The following CCSER1 variants were observed in gnomAD, a reference collection of about 807,000 sequenced individuals.
CCSER1 encodes coiled-coil serine rich protein 1, also known as serine-rich coiled-coil domain-containing protein 1.
A neutral mutation model predicts 82.0 loss-of-function variants in CCSER1; 41 were observed. The ratio of observed to expected loss-of-function variants is 0.50; its 90% CI spans 0.39 to 0.65. CCSER1 has a LOEUF of 0.65. Ranked by LOEUF, CCSER1 falls within the 30% of genes least tolerant of loss-of-function variation. CCSER1 has a pLI of 0.00. For synonymous variants in CCSER1, 414 were observed against 383.9 expected, an observed-to-expected ratio of 1.08 and a Z score of -0.92; for missense variants, 1,119 against 1,064.2, an observed-to-expected ratio of 1.05 and a Z score of -0.72.
At chr4:90,214,118 G>A (rs1002200646) in intron 1 of CCSER1, among the ~76,000 whole-genome samples, 1 of 152,146 alleles carries the variant, frequency 6.6e-6, no homozygotes, top group African/African-American at 2.4e-5. Flanking sequence ...TCTGGAATGA[G>A]GCGATTAATT....
At chr4:91,129,191 C>A (rs1561570827) in intron 10 of CCSER1, among the ~76,000 whole-genome samples, 1 of 151,990 alleles carries the variant, frequency 6.6e-6, no homozygotes, top group East Asian at 1.9e-4. Flanking sequence ...CAGTAAAAAA[C>A]TTCTGTCTGT....
chr4:90,955,324 T>C (rs975618407), intron 9 of CCSER1, among the ~76,000 whole-genome samples: 1 of 152,192 alleles, frequency 6.6e-6, no homozygotes, highest in Non-Finnish European at 1.5e-5. Flanking sequence ...TTAATCCTTC[T>C]GTAAGAGCTG....
intron 10 of CCSER1, among the ~76,000 whole-genome samples, chr4:91,175,117 C>A (rs1456596425): frequency 6.6e-6 from 1 of 152,060 alleles, no homozygotes; most frequent in Non-Finnish European, 1.5e-5. Context: ...ATGATGGTTT[C>A]CAGCTTCATC....
At chr4:91,471,987 GA>G (rs1353493956) in intron 10 of CCSER1, among the ~76,000 whole-genome samples, 3 of 121,408 alleles carry the variant, frequency 2.5e-5, no homozygotes, top group Non-Finnish European at 3.5e-5. Flanking sequence ...AAAAAAAAAA[GA>G]AAAAAAAGAA....
In CCSER1 at chr4:91,339,228, A is replaced by G. The variant is rs561636560; in HGVS notation, c.2217+253234A>G. Among the ~76,000 whole-genome samples, 198 of 152,278 alleles carry G rather than the reference A, an allele frequency of 1.3e-3. 1 individual carries two copies. The highest frequency in any genetic ancestry group is 4.5e-3 in the African/African-American group (189 of 41,576). ...GAAAACTGAAATGAAAGATAAGACAATTAAGAATGGAGTCTAAGTGAATTC... is the reference window on the plus strand; with the variant it reads ...GAAAACTGAAATGAAAGATAAGACAGTTAAGAATGGAGTCTAAGTGAATTC... On this transcript the variant is annotated intron_variant, in intron 10 of 10. Coordinates refer to ENST00000509176, the MANE Select transcript of CCSER1 (RefSeq NM_001145065.2).
intron 5 of CCSER1, among the ~76,000 whole-genome samples, chr4:90,608,863 A>G (rs1020541045): frequency 1.8e-4 from 28 of 152,068 alleles, no homozygotes; most frequent in Admixed American, 1.4e-3. Flanking sequence ...TATTGTTTAG[A>G]ATTTTTAATC....
At position 91,562,912 on chromosome 4, in the gene CCSER1, A is replaced by G. The variant is rs188516024; in HGVS notation, c.2218-35660A>G. 7.8e-4 allele frequency among the ~76,000 whole-genome samples: 119 copies of G among 151,784 alleles called. 1 individual carries two copies. The highest frequency in any genetic ancestry group is 2.7e-3 in the African/African-American group (112 of 41,502). ...CGTTTGAGAGTCTAACAAGTTGTAG[A>G]ACAGGAGTGAGTTTTGAAAATAAGT... is the stretch of plus-strand genomic sequence containing the variant. On this transcript the variant is annotated intron_variant, in intron 10 of 10. Coordinates refer to ENST00000509176, the MANE Select transcript of CCSER1 (RefSeq NM_001145065.2).
intron 3 of CCSER1, among the ~76,000 whole-genome samples, chr4:90,357,025 G>A (rs961986592): frequency 4.6e-5 from 7 of 151,724 alleles, no homozygotes; most frequent in South Asian, 2.1e-4. Context: ...TACTTTTTGC[G>A]GGTCTGGTAA....
At chr4:90,755,509 AGAT>A (rs1274903636) in intron 7 of CCSER1, among the ~76,000 whole-genome samples, 1 of 152,204 alleles carries the variant, frequency 6.6e-6, no homozygotes, top group Non-Finnish European at 1.5e-5. Flanking sequence ...TTATTCTGGC[AGAT>A]GATAAAATGC....
chr4:91,440,819 C>T (rs1359001520), intron 10 of CCSER1, among the ~76,000 whole-genome samples: 1 of 152,096 alleles, frequency 6.6e-6, no homozygotes, highest in African/African-American at 2.4e-5. Context: ...ATACAAACTA[C>T]CATCAGACAA....
intron 7 of CCSER1, among the ~76,000 whole-genome samples, chr4:90,773,930 A>G (rs1352358031): frequency 6.6e-6 from 1 of 152,198 alleles, no homozygotes; most frequent in Non-Finnish European, 1.5e-5. Context: ...TAGATATAAA[A>G]ATGCAATGAC....
At chr4:91,272,801 T>C (rs1455658130) in intron 10 of CCSER1, among the ~76,000 whole-genome samples, 1 of 152,212 alleles carries the variant, frequency 6.6e-6, no homozygotes, top group African/African-American at 2.4e-5. Flanking sequence ...CCAGTTTCAT[T>C]CTCCTACATG....
chr4:90,700,438 G>A (rs1275316178), intron 6 of CCSER1, among the ~76,000 whole-genome samples: 15 of 151,710 alleles, frequency 9.9e-5, no homozygotes, highest in South Asian at 2.1e-4. Context: ...GAATAGTGCC[G>A]CAATAAACAT....
intron 5 of CCSER1, among the ~76,000 whole-genome samples, chr4:90,606,519 A>G (rs1267874985): frequency 6.6e-6 from 1 of 152,196 alleles, no homozygotes; most frequent in Non-Finnish European, 1.5e-5. Flanking sequence ...AAATGTCATT[A>G]CATGGTACAG....
chr4:91,297,371 G>A lies in CCSER1; in HGVS notation c.2217+211377G>A, dbSNP rs905069396. On this transcript the variant is annotated intron_variant, in intron 10 of 10. Coordinates refer to ENST00000509176, the MANE Select transcript of CCSER1 (RefSeq NM_001145065.2). ...ACCTGAGGAGAATGGATGCTTGTGTGTGTGTGTGTGTGTATGTGTGTGTGT... is the reference window on the plus strand; with the variant it reads ...ACCTGAGGAGAATGGATGCTTGTGTATGTGTGTGTGTGTATGTGTGTGTGT... 9.8e-5 allele frequency among the ~76,000 whole-genome samples: 10 copies of A among 102,264 alleles called. No individual in the cohort carries two copies. The South Asian group carries it at 3.3e-3, about 34-fold the overall frequency. 67.1% of individuals were successfully genotyped at this position (102,264 alleles called of 152,430 possible).
intron 3 of CCSER1, among the ~76,000 whole-genome samples, chr4:90,389,604 A>G (rs1246800615): frequency 1.3e-5 from 2 of 152,194 alleles, no homozygotes; most frequent in East Asian, 3.9e-4. Context: ...ATAGTGATAC[A>G]ACAGTAGAGA....
At chr4:90,456,069 G>A (rs1001260561) in intron 4 of CCSER1, among the ~76,000 whole-genome samples, 22 of 152,102 alleles carry the variant, frequency 1.4e-4, no homozygotes, top group Non-Finnish European at 2.9e-5. Flanking sequence ...TGAAGCTGTG[G>A]GACCAGGTCC....
intron 9 of CCSER1, among the ~76,000 whole-genome samples, chr4:91,077,934 G>A (rs941897325): frequency 2.6e-5 from 4 of 152,276 alleles, no homozygotes; most frequent in East Asian, 1.9e-4. Flanking sequence ...AGTAGGTAAA[G>A]CAGCCAGGGA....
chr4:91,258,899 A>G (rs1740898359), intron 10 of CCSER1, among the ~76,000 whole-genome samples: 1 of 152,114 alleles, frequency 6.6e-6, no homozygotes, highest in African/African-American at 2.4e-5. Flanking sequence ...GGCCAGAAAA[A>G]TAGTACTTAA....
Sources: allele counts gnomAD v4.1 joint callset (sites outside exome capture counted in the v4.1 genomes callset), GRCh38; gene constraint gnomAD v4.1.1; transcripts MANE v1.5; gene names NCBI Gene and HGNC (gene_info 2026-07-23, HGNC 2026-07-21).